ASCC3: variants seen among roughly 807,000 people sequenced by gnomAD.
ASCC3 encodes the protein ASC-1 complex subunit P200.
Under a neutral mutation model 256.3 loss-of-function variants are expected in ASCC3, and 158 were observed. That is an observed-to-expected ratio of 0.62 (90% CI 0.54 to 0.70). ASCC3 has a LOEUF of 0.70. Among genes scored for constraint, ASCC3 ranks in the 30% least tolerant of loss-of-function variants. The pLI, the probability that ASCC3 is intolerant of heterozygous loss-of-function variation, is 0.00. For synonymous variants in ASCC3, 948 were observed against 883.4 expected, an observed-to-expected ratio of 1.07 and a Z score of -1.30; for missense variants, 2,259 against 2,626.0, an observed-to-expected ratio of 0.86 and a Z score of 3.05.
At chr6:100,776,096 T>C in intron 8 of ASCC3, among the ~76,000 whole-genome samples, 1 of 152,228 alleles carries the variant, frequency 6.6e-6, no homozygotes, top group East Asian at 1.9e-4. Flanking sequence ...TATTGTTTTA[T>C]TTATATTTCC....
rs534479436 is a variant in ASCC3 at position 100,565,179 on chromosome 6, T to C, written c.5550+24455A>G. On this transcript the variant is annotated intron_variant, in intron 36 of 41. Transcript: ENST00000369162. ...AATCAACTGCATTTTTCCAGATGAA[T>C]ATATGCCTAATAAAATGGCCAATTT... Among the ~76,000 whole-genome samples the C allele has an allele frequency of 3.9e-5, 6 of 152,288 alleles. No individual in the cohort carries two copies. The South Asian group carries it at 1.2e-3, about 32-fold the overall frequency.
intron 36 of ASCC3, among the ~76,000 whole-genome samples, chr6:100,582,472 G>T (rs201528531): frequency 0.34 from 50,686 of 149,416 alleles, 10,164 homozygotes; most frequent in Middle Eastern, 0.5. Context: ...CTTATCAGCT[G>T]AAGGAGATTT....
rs778232868 is a variant in ASCC3, at chr6:100,655,739, G to A, written c.2783C>T (p.Ala928Val). ...SYTYLYVRMR[A>V]NPLAYGISHK... ...ACTGATGCCATATGCTAATGGATTT[G>A]CTCTCATCCGTACATAAAGATAAGT... The change falls in exon 17 of 42, where the codon GCA (alanine) becomes GTA (valine). Residue 928 changes from alanine to valine, a missense_variant. Physicochemically the swap from Ala to Val is moderately conservative, Grantham distance 64. Coordinates refer to ENST00000369162, the MANE Select transcript of ASCC3 (RefSeq NM_006828.4). The A allele has an allele frequency of 6.2e-7, 1 of 1,611,340 alleles. No individual in the cohort carries two copies.
chr6:100,785,730 T>C (rs538853394), intron 8 of ASCC3, among the ~76,000 whole-genome samples: 29 of 152,254 alleles, frequency 1.9e-4, no homozygotes, highest in African/African-American at 6.5e-4. Context: ...CTGTATAAAA[T>C]ACTGACAATA....
Position 100,725,565 on chromosome 6 carries a change from T to C in ASCC3, c.1876A>G (p.Ser626Gly). Residue 626 changes from serine to glycine, a missense_variant, in exon 11 of 42, where the codon AGC (serine) becomes GGC (glycine). Physicochemically the swap from Ser to Gly is moderately conservative, Grantham distance 56. Coordinates refer to ENST00000369162, the MANE Select transcript of ASCC3 (RefSeq NM_006828.4). The stretch of plus-strand genomic sequence containing the variant: ...TGCCGTAAAGTACGGGCAACTATGC[T>C]TTCTAATACTGGTCCTCTATCTTCA... Reference protein sequence around the residue: ...LHEDRGPVLESIVARTLRQVE... With the variant: ...LHEDRGPVLEGIVARTLRQVE... 1 of 1,612,722 alleles carries C rather than the reference T, an allele frequency of 6.2e-7. No homozygotes were observed. The highest frequency in any genetic ancestry group is 8.5e-7 in the Non-Finnish European group (1 of 1,179,050).
intron 4 of ASCC3, among the ~76,000 whole-genome samples, chr6:100,818,974 T>C (rs1219227037): frequency 6.6e-6 from 1 of 152,128 alleles, no homozygotes; most frequent in Non-Finnish European, 1.5e-5. Context: ...CACCATGGAA[T>C]ACTATGCAGC....
chr6:100,532,456 T>C (rs1173025803), intron 37 of ASCC3, among the ~76,000 whole-genome samples: 4 of 145,972 alleles, frequency 2.7e-5, no homozygotes, highest in Non-Finnish European at 4.5e-5. Context: ...GCTGCTTTTA[T>C]GCTGAAAATG....
At chr6:100,830,283 T>C (rs117469849) in intron 4 of ASCC3, among the ~76,000 whole-genome samples, 7 of 152,002 alleles carry the variant, frequency 4.6e-5, no homozygotes, top group Non-Finnish European at 1.0e-4. Context: ...AGTATCTGAA[T>C]GACCAGACAC....
chr6:100,679,541 G>T (rs115557735), intron 14 of ASCC3, 77 bp downstream of exon 14: 2 of 1,590,624 alleles, frequency 1.3e-6, no homozygotes, highest in African/African-American at 1.3e-5. Context: ...AATTGAGACC[G>T]TGGATCTTTC....
At chr6:100,776,437 C>T (rs1309535834) in intron 8 of ASCC3, among the ~76,000 whole-genome samples, 1 of 152,058 alleles carries the variant, frequency 6.6e-6, no homozygotes, top group Non-Finnish European at 1.5e-5. Flanking sequence ...CTTCATTCTA[C>T]ATCCACTTTA....
rs1246626060 is a variant in ASCC3 at position 100,589,838 on chromosome 6, C to G, written c.5416-70G>C. ...ATCTTTATAAAATTAATAATTCAGA[C>G]AGGTGCTTTTGAAACAATTTTTTAA... On this transcript the variant is annotated intron_variant, in intron 35 of 41. Coordinates refer to ENST00000369162, the MANE Select transcript of ASCC3 (RefSeq NM_006828.4). 6 of 1,604,104 alleles carry G rather than the reference C, an allele frequency of 3.7e-6. No homozygotes were observed. The Admixed American group carries it at 1.0e-4, about 27-fold the overall frequency.
intron 12 of ASCC3, among the ~76,000 whole-genome samples, chr6:100,717,141 C>T (rs10872622): frequency 0.45 from 69,000 of 151,682 alleles, 15,907 homozygotes; most frequent in South Asian, 0.61. Flanking sequence ...ATTCTAAAGA[C>T]ACCTAACATT....
At chr6:100,518,829 A>G (rs1774162387) in intron 37 of ASCC3, among the ~76,000 whole-genome samples, 1 of 152,178 alleles carries the variant, frequency 6.6e-6, no homozygotes, top group Admixed American at 6.5e-5. Flanking sequence ...AGCTATTTCA[A>G]TTAAATTAGA....
intron 36 of ASCC3, among the ~76,000 whole-genome samples, chr6:100,554,193 T>C (rs969698481): frequency 2.0e-5 from 3 of 152,184 alleles, no homozygotes; most frequent in African/African-American, 7.2e-5. Context: ...CTACTTTGAC[T>C]TTTTCTTTAC....
intron 29 of ASCC3, among the ~76,000 whole-genome samples, chr6:100,626,035 T>C (rs1774215991): frequency 6.6e-6 from 1 of 152,044 alleles, no homozygotes; most frequent in Admixed American, 6.6e-5. Context: ...GAGATGACTC[T>C]GGTCAACACA....
intron 11 of ASCC3, among the ~76,000 whole-genome samples, chr6:100,723,417 A>T (rs77525251): frequency 0.016 from 2,473 of 151,560 alleles, 24 homozygotes; most frequent in East Asian, 0.045. Flanking sequence ...TTATTTTTTT[A>T]AAAAAAACTC....
chr6:100,664,201 A>G (rs1192503707), intron 14 of ASCC3, among the ~76,000 whole-genome samples: 2 of 152,108 alleles, frequency 1.3e-5, no homozygotes, highest in Non-Finnish European at 2.9e-5. Flanking sequence ...AAATCTCATT[A>G]TCAATTCATG....
intron 11 of ASCC3, among the ~76,000 whole-genome samples, chr6:100,724,816 G>C (rs966079606): frequency 6.6e-6 from 1 of 151,968 alleles, no homozygotes; most frequent in African/African-American, 2.4e-5. Flanking sequence ...AGCTTGAAGA[G>C]GGTCACATTA....
At chr6:100,531,164 G>A (rs1296481211) in intron 37 of ASCC3, 4 of 691,562 alleles carry the variant, frequency 5.8e-6, no homozygotes, top group Non-Finnish European at 1.0e-5. Flanking sequence ...AATTCAGACT[G>A]AGGGTTGAGA....
Sources: gnomAD v4.1 joint callset for allele counts (sites outside exome capture counted in the v4.1 genomes callset) on GRCh38, gnomAD v4.1.1 for gene constraint, MANE v1.5 for transcripts, NCBI Gene and HGNC (gene_info 2026-07-23, HGNC 2026-07-21) for gene names.